The following SPOCK3 variants were observed in gnomAD, a reference collection of about 807,000 sequenced individuals.
SPOCK3 encodes testican-3.
In SPOCK3, 30 loss-of-function variants were observed where a neutral mutation model predicts 56.6. That is an observed-to-expected ratio of 0.53 (90% CI 0.40 to 0.72). SPOCK3 has a LOEUF of 0.72. SPOCK3 is among the 30% of genes least tolerant of loss of function. The pLI is 0.00. For synonymous variants in SPOCK3, 196 were observed against 183.3 expected, an observed-to-expected ratio of 1.07 and a Z score of -0.56; for missense variants, 527 against 530.0, an observed-to-expected ratio of 0.99 and a Z score of 0.06.
At chr4:166,889,945 T>C (rs1327197118) in intron 5 of SPOCK3, among the ~76,000 whole-genome samples, 2 of 152,024 alleles carry the variant, frequency 1.3e-5, no homozygotes, top group African/African-American at 4.8e-5. Context: ...TGTATGTATA[T>C]ATATTTCACA....
intron 9 of SPOCK3, 33 bp from the exon 10 acceptor site, chr4:166,737,637 C>T (rs986508621): frequency 1.9e-6 from 3 of 1,582,814 alleles, no homozygotes; most frequent in Non-Finnish European, 1.7e-6. Context: ...TACAAACACA[C>T]ACATGTAGTT....
In SPOCK3 at chr4:166,784,925, T is replaced by G. The variant is rs528546421; in HGVS notation, c.709+7245A>C. Among the ~76,000 whole-genome samples, 11 of 152,186 alleles carry G rather than the reference T, an allele frequency of 7.2e-5. No homozygotes were observed. In the South Asian group the frequency reaches 2.3e-3, roughly 32 times the overall value. On this transcript the variant is annotated intron_variant, in intron 7 of 10. Coordinates refer to ENST00000357545, the MANE Select transcript of SPOCK3 (RefSeq NM_001040159.2). ...GCTCTCCAAATTGTTAAAGGGAAAA[T>G]TAGTACAATGTCACTTTCAAGAATT...
At chr4:166,819,622 A>C (rs778987439) in intron 6 of SPOCK3, among the ~76,000 whole-genome samples, 25 of 152,214 alleles carry the variant, frequency 1.6e-4, no homozygotes, top group South Asian at 2.1e-4. Flanking sequence ...AATTCCATTC[A>C]CAAAAGTATC....
At chr4:167,054,615 C>G (rs1049770053) in intron 3 of SPOCK3, among the ~76,000 whole-genome samples, 6 of 152,164 alleles carry the variant, frequency 3.9e-5, no homozygotes, top group African/African-American at 1.4e-4. Flanking sequence ...CATGCTTTAG[C>G]TCATTTTGCA....
chr4:167,147,855 T>G (rs375691025), intron 2 of SPOCK3, among the ~76,000 whole-genome samples: 1 of 152,016 alleles, frequency 6.6e-6, no homozygotes, highest in Non-Finnish European at 1.5e-5. Context: ...AAATATCTAA[T>G]GTAGGTGACG....
At chr4:166,762,183 A>G (rs1330974270) in intron 7 of SPOCK3, among the ~76,000 whole-genome samples, 1 of 152,098 alleles carries the variant, frequency 6.6e-6, no homozygotes, top group African/African-American at 2.4e-5. Flanking sequence ...TGAATTCCTT[A>G]TTTCCTATTT....
At position 166,763,171 on chromosome 4, in the gene SPOCK3, A is replaced by T. The variant is rs1055225092; in HGVS notation, c.710-8442T>A. Among the ~76,000 whole-genome samples the T allele has an allele frequency of 4.6e-5, 7 of 152,068 alleles. No homozygotes were observed. The South Asian group carries it at 1.4e-3, about 31-fold the overall frequency. On this transcript the variant is annotated intron_variant, in intron 7 of 10. Coordinates refer to ENST00000357545, the MANE Select transcript of SPOCK3 (RefSeq NM_001040159.2). ...TTTAAAAGTAGCCAGACAAATACTG[A>T]AACAGGAGAAATTCTGCACAGAGGA... is the stretch of plus-strand genomic sequence containing the variant.
intron 7 of SPOCK3, among the ~76,000 whole-genome samples, chr4:166,755,835 T>C (rs1267728798): frequency 6.6e-6 from 1 of 152,046 alleles, no homozygotes; most frequent in Non-Finnish European, 1.5e-5. Flanking sequence ...TACTTTGAAT[T>C]ATAAAAATAA....
intron 2 of SPOCK3, among the ~76,000 whole-genome samples, chr4:167,108,840 T>A (rs924336987): frequency 5.4e-4 from 80 of 148,546 alleles, no homozygotes; most frequent in Admixed American, 5.2e-3. Flanking sequence ...AGGATACATG[T>A]TTGAGGTGAT....
At chr4:167,185,917 A>G (rs898321303) in intron 2 of SPOCK3, among the ~76,000 whole-genome samples, 1 of 152,226 alleles carries the variant, frequency 6.6e-6, no homozygotes, top group African/African-American at 2.4e-5. Context: ...TATTACAGAA[A>G]GGGGACAGTA....
At chr4:166,855,345 G>A (rs1730537315) in intron 6 of SPOCK3, among the ~76,000 whole-genome samples, 1 of 151,884 alleles carries the variant, frequency 6.6e-6, no homozygotes, top group South Asian at 2.1e-4. Flanking sequence ...ACAAACCAAA[G>A]AGAGCAGAGA....
At chr4:167,153,445 C>A (rs1483272369) in intron 2 of SPOCK3, among the ~76,000 whole-genome samples, 2 of 152,122 alleles carry the variant, frequency 1.3e-5, no homozygotes, top group African/African-American at 4.8e-5. Context: ...CCATATGTGA[C>A]TATTTGAACC....
intron 2 of SPOCK3, among the ~76,000 whole-genome samples, chr4:167,231,787 A>G (rs1400297899): frequency 6.6e-6 from 1 of 152,142 alleles, no homozygotes; most frequent in Non-Finnish European, 1.5e-5. Flanking sequence ...CATCATGTTA[A>G]TAATAAGCAA....
intron 2 of SPOCK3, among the ~76,000 whole-genome samples, chr4:167,063,099 T>C (rs758239971): frequency 5.2e-4 from 79 of 151,974 alleles, no homozygotes; most frequent in Non-Finnish European, 5.9e-4. Flanking sequence ...TTCATCAAAA[T>C]GCAATCTAGA....
chr4:167,003,842 C>T (rs1438623019), intron 3 of SPOCK3, among the ~76,000 whole-genome samples: 1 of 152,150 alleles, frequency 6.6e-6, no homozygotes, highest in Admixed American at 6.5e-5. Flanking sequence ...TAAACAACTG[C>T]CATATAATGT....
chr4:167,219,588 GC>G (rs1199767675), intron 2 of SPOCK3, among the ~76,000 whole-genome samples: 1 of 152,054 alleles, frequency 6.6e-6, no homozygotes, highest in African/African-American at 2.4e-5. Context: ...TGTTAAATGA[GC>G]TTTTACTTAT....
intron 6 of SPOCK3, among the ~76,000 whole-genome samples, chr4:166,844,808 G>C (rs1747889078): frequency 6.6e-6 from 1 of 151,888 alleles, no homozygotes; most frequent in South Asian, 2.1e-4. Flanking sequence ...CCTATTTGTT[G>C]TCTCTCTGGA....
intron 2 of SPOCK3, among the ~76,000 whole-genome samples, chr4:167,095,851 G>C (rs930672444): frequency 6.6e-6 from 1 of 151,742 alleles, no homozygotes; most frequent in Admixed American, 6.6e-5. Context: ...AAGCATGACT[G>C]TTTTATTAGT....
At chr4:166,870,313 CAA>C (rs1338837624) in intron 6 of SPOCK3, among the ~76,000 whole-genome samples, 2 of 151,834 alleles carry the variant, frequency 1.3e-5, no homozygotes, top group Admixed American at 1.3e-4. Flanking sequence ...TGATAAAGCA[CAA>C]AAAAATTAGT....
Sources: allele counts gnomAD v4.1 joint callset (sites outside exome capture counted in the v4.1 genomes callset), GRCh38; gene constraint gnomAD v4.1.1; transcripts MANE v1.5; gene names NCBI Gene and HGNC (gene_info 2026-07-23, HGNC 2026-07-21).